MARCHF3: variants seen among roughly 807,000 people sequenced by gnomAD.
MARCHF3 encodes the protein membrane associated ring-CH-type finger 3, also known as E3 ubiquitin-protein ligase MARCHF3.
In MARCHF3, 13 loss-of-function variants were observed where a neutral mutation model predicts 24.2. The ratio of observed to expected loss-of-function variants is 0.54; its 90% CI spans 0.35 to 0.85. The LOEUF (loss-of-function observed/expected upper bound fraction) is 0.85, where lower values mean the gene tolerates loss of function less well. MARCHF3 is among the 40% of genes least tolerant of loss of function. The pLI, the probability that MARCHF3 is intolerant of heterozygous loss-of-function variation, is 0.01. For missense variants in MARCHF3, 276 were observed against 325.0 expected, an observed-to-expected ratio of 0.85 and a Z score of 1.16; for synonymous variants, 144 against 137.3, an observed-to-expected ratio of 1.05 and a Z score of -0.34.
At chr5:126,884,698 C>T (rs914167682) in intron 3 of MARCHF3, among the ~76,000 whole-genome samples, 5 of 152,190 alleles carry the variant, frequency 3.3e-5, no homozygotes, top group Admixed American at 6.5e-5. Flanking sequence ...CCTATTGGCA[C>T]TGCCTGCAAC....
Position 126,944,424 on chromosome 5 carries a change from A to C in MARCHF3, c.-56-26197T>G, listed in dbSNP as rs537340744. Among the ~76,000 whole-genome samples the C allele has an allele frequency of 4.6e-5, 7 of 152,092 alleles. No homozygotes were observed. In the South Asian group the frequency reaches 1.0e-3, roughly 23 times the overall value. On this transcript the variant is annotated intron_variant, in intron 1 of 4. Transcript: ENST00000308660. Reference sequence around the variant, plus strand: ...ATCAGCCTGAGCAACATGGCAAAAAACCATCTCTACCAAAAAATACAAAAA... The same window carrying C: ...ATCAGCCTGAGCAACATGGCAAAAACCCATCTCTACCAAAAAATACAAAAA...
intron 3 of MARCHF3, among the ~76,000 whole-genome samples, chr5:126,881,819 G>GTA (rs146359926): frequency 0.016 from 2,437 of 152,104 alleles, 61 homozygotes; most frequent in African/African-American, 0.053. Context: ...ATAAATATAT[G>GTA]TATATATATC....
intron 1 of MARCHF3, among the ~76,000 whole-genome samples, chr5:126,983,420 A>C (rs918106916): frequency 3.3e-5 from 5 of 152,174 alleles, no homozygotes; most frequent in African/African-American, 1.2e-4. Context: ...TCACTTCCTC[A>C]GCACAAGATC....
intron 3 of MARCHF3, among the ~76,000 whole-genome samples, chr5:126,903,442 C>G (rs1754173176): frequency 6.6e-6 from 1 of 152,112 alleles, no homozygotes; most frequent in Non-Finnish European, 1.5e-5. Context: ...AGGGGCTTGT[C>G]TGCCTTCATA....
At chr5:126,914,535 C>T (rs769408384) in intron 3 of MARCHF3, 8 of 275,994 alleles carry the variant, frequency 2.9e-5, no homozygotes, top group African/African-American at 6.3e-5. Context: ...TCAGGATATG[C>T]AACCCAAATG....
intron 1 of MARCHF3, among the ~76,000 whole-genome samples, chr5:127,014,877 G>A (rs184372698): frequency 3.9e-5 from 6 of 152,264 alleles, no homozygotes; most frequent in Non-Finnish European, 7.4e-5. Context: ...GGTGGAACAA[G>A]TTCTAGTTTT....
chr5:126,905,360 T>G (rs1277553248), intron 3 of MARCHF3, among the ~76,000 whole-genome samples: 2 of 145,680 alleles, frequency 1.4e-5, no homozygotes, highest in African/African-American at 5.2e-5. Context: ...AGAAAGGCAT[T>G]GGTAGCTTGA....
At position 126,918,237 on chromosome 5, in the gene MARCHF3, A is replaced by G. The variant is rs923999598; in HGVS notation, c.-56-10T>C. 2.7e-6 allele frequency: 4 copies of G among 1,493,074 alleles called. No individual in the cohort carries two copies. In the African/African-American group the frequency reaches 4.2e-5, roughly 16 times the overall value. The allele number at this position is 1,493,074 out of a possible 1,614,324, so 92.5% of individuals were successfully genotyped here. A position where few individuals can be genotyped will look rare whatever the true frequency, so the allele number is the denominator to read the frequency against. ...CATACAGGATTTCCATCTAAGAGAG[A>G]TCAGAAAACAGTTTACTTGGGCAGG... On this transcript the variant is annotated splice_polypyrimidine_tract_variant and intron_variant, in intron 1 of 4. Transcript: ENST00000308660.
intron 4 of MARCHF3, among the ~76,000 whole-genome samples, chr5:126,875,501 G>T (rs1367079014): frequency 6.6e-6 from 1 of 152,248 alleles, no homozygotes; most frequent in Non-Finnish European, 1.5e-5. Flanking sequence ...TTCTCCTTAA[G>T]CTTGACAGCT....
chr5:126,992,696 C>T (rs946471672), intron 1 of MARCHF3, among the ~76,000 whole-genome samples: 11 of 150,740 alleles, frequency 7.3e-5, no homozygotes, highest in African/African-American at 2.7e-4. Flanking sequence ...AGAACTCTGA[C>T]GATTACAAAG....
In MARCHF3 at chr5:126,893,361, AGT is replaced by A. The variant is rs1176407079; in HGVS notation, c.394-14969_394-14968del. Among the ~76,000 whole-genome samples the A allele has an allele frequency of 3.3e-5, 5 of 150,922 alleles. No individual in the cohort carries two copies. The East Asian group carries it at 7.9e-4, about 24-fold the overall frequency. ...TTAATGTGTTTGCTCTTGCATTTCT[AGT>A]TCTTTTAATTGTGATGTTAGGGTGT... On this transcript the variant is annotated intron_variant, in intron 3 of 4. Transcript: ENST00000308660.
intron 1 of MARCHF3, among the ~76,000 whole-genome samples, chr5:126,984,986 G>A (rs533138142): frequency 6.6e-6 from 1 of 152,068 alleles, no homozygotes; most frequent in East Asian, 1.9e-4. Flanking sequence ...AGGCAGCCCT[G>A]GAAAAAAGAG....
At chr5:126,968,924 T>C (rs1053289849) in intron 1 of MARCHF3, among the ~76,000 whole-genome samples, 5 of 152,200 alleles carry the variant, frequency 3.3e-5, no homozygotes, top group Non-Finnish European at 7.3e-5. Context: ...TTCAGATAAG[T>C]GATATGCAAA....
chr5:126,989,787 G>A (rs1261527719), intron 1 of MARCHF3, among the ~76,000 whole-genome samples: 1 of 152,078 alleles, frequency 6.6e-6, no homozygotes, highest in African/African-American at 2.4e-5. Context: ...ATTACACTCT[G>A]ATCTTCAGTG....
chr5:126,879,857 C>A (rs1288142759), intron 3 of MARCHF3, among the ~76,000 whole-genome samples: 1 of 152,120 alleles, frequency 6.6e-6, no homozygotes, highest in Admixed American at 6.5e-5. Context: ...CTTTGCCTTC[C>A]ATCTTGTTCC....
At chr5:126,872,732 T>C (rs1415239545) in intron 4 of MARCHF3, among the ~76,000 whole-genome samples, 1 of 152,178 alleles carries the variant, frequency 6.6e-6, no homozygotes, top group African/African-American at 2.4e-5. Flanking sequence ...TTTCTGAGGC[T>C]AGAAAGCAGA....
At chr5:126,964,841 G>A (rs1750751440) in intron 1 of MARCHF3, among the ~76,000 whole-genome samples, 3 of 152,090 alleles carry the variant, frequency 2.0e-5, no homozygotes, top group African/African-American at 7.2e-5. Context: ...TTGGGAACAG[G>A]CATCTGGGCA....
At position 126,969,801 on chromosome 5, in the gene MARCHF3, C is replaced by T. The variant is rs146267302; in HGVS notation, c.-56-51574G>A. 3.0e-3 allele frequency among the ~76,000 whole-genome samples: 458 copies of T among 152,264 alleles called. 2 individuals are homozygous for T. Among genetic ancestry groups the T allele is most frequent in the Non-Finnish European group, 5.0e-3 (339 of 68,028 alleles). ...TCTGCTACAGGAGGCTGGGGTGGGG[C>T]CATTAATTTGCATTTCTAATAGGCT... On this transcript the variant is annotated intron_variant, in intron 1 of 4. Transcript: ENST00000308660.
chr5:126,946,661 T>C (rs1488182922), intron 1 of MARCHF3, among the ~76,000 whole-genome samples: 2 of 151,694 alleles, frequency 1.3e-5, no homozygotes, highest in Non-Finnish European at 2.9e-5. Context: ...TTGGGCCAGG[T>C]AGGACTATAG....
Sources: gnomAD v4.1 joint callset for allele counts (sites outside exome capture counted in the v4.1 genomes callset) on GRCh38, gnomAD v4.1.1 for gene constraint, MANE v1.5 for transcripts, NCBI Gene and HGNC (gene_info 2026-07-23, HGNC 2026-07-21) for gene names.